AHDC1: variants seen among roughly 807,000 people sequenced by gnomAD.
AHDC1 encodes AT-hook DNA binding motif containing 1.
Under a neutral mutation model 87.9 loss-of-function variants are expected in AHDC1, and 7 were observed. That is an observed-to-expected ratio of 0.08 (90% CI 0.05 to 0.15). The LOEUF is 0.15. Among genes scored for constraint, AHDC1 ranks in the 10% least tolerant of loss-of-function variants. The probability of loss-of-function intolerance (pLI) is 1.00; values close to 1 mark genes in which losing one functional copy is unlikely to be tolerated. For synonymous variants in AHDC1, 1,051 were observed against 1,006.8 expected (o/e 1.04, Z -0.83); for missense variants, 1,841 against 2,253.2 (o/e 0.82, Z 3.70).
Position 27,551,483 on chromosome 1 carries a change from G to A in AHDC1, c.633C>T (p.Gly211=), listed in dbSNP as rs150860912. The change falls in exon 8 of 9, where the codon GGC becomes GGT. Residue 211 remains glycine, a synonymous_variant. Transcript: ENST00000673934. Reference sequence around the variant, plus strand: ...CCGTGGCTCCGGGACTATGGCCTTGGCCAGGCTGGGGACTGTCCCTAGGCT... The same window carrying A: ...CCGTGGCTCCGGGACTATGGCCTTGACCAGGCTGGGGACTGTCCCTAGGCT... The part of the protein sequence containing the change: ...EPEPRDSPQP[G]QGHSPGATAA... 1.1e-4 allele frequency: 177 copies of A among 1,608,272 alleles called. No individual in the cohort carries two copies. Among genetic ancestry groups the A allele is most frequent in the Non-Finnish European group, 1.4e-4 (161 of 1,177,946 alleles).
At position 27,598,072 on chromosome 1, in the gene AHDC1, G is replaced by A. The variant is rs1364468654; in HGVS notation, c.-629+5325C>T. On this transcript the variant is annotated intron_variant, in intron 3 of 8. Transcript: ENST00000673934. This position sits in a 1 kb window ranked among gnomAD's most constrained non-coding sequence, Gnocchi z 4.2. ...TTAGTCCTTCCAAGGGTGCCCACTC[G>A]CTCCCCAAGGCACCCTCCCCCAGGT... is the stretch of plus-strand genomic sequence containing the variant. Among the ~76,000 whole-genome samples, 1 of 152,130 alleles carries A rather than the reference G, an allele frequency of 6.6e-6. No homozygotes were observed. The highest frequency in any genetic ancestry group is 2.4e-5 in the African/African-American group (1 of 41,422).
chr1:27,594,816 A>G (rs1260230802), intron 3 of AHDC1, among the ~76,000 whole-genome samples: 2 of 152,116 alleles, frequency 1.3e-5, no homozygotes, highest in Non-Finnish European at 2.9e-5. Context: ...CAGAAGGATT[A>G]GGCGGGGTAT....
At chr1:27,557,169 C>T (rs900637016) in intron 5 of AHDC1, among the ~76,000 whole-genome samples, 1 of 151,246 alleles carries the variant, frequency 6.6e-6, no homozygotes, top group African/African-American at 2.4e-5. Flanking sequence ...GTGGGCGCCA[C>T]CGCCAGCTCT....
In AHDC1 at chr1:27,590,598, C is replaced by T. The variant is rs576798723; in HGVS notation, c.-629+12799G>A. 1.3e-5 allele frequency among the ~76,000 whole-genome samples: 2 copies of T among 151,974 alleles called. No individual in the cohort carries two copies. Among genetic ancestry groups the T allele is most frequent in the South Asian group, 4.2e-4 (2 of 4,816 alleles). On this transcript the variant is annotated intron_variant, in intron 3 of 8. Transcript: ENST00000673934. The surrounding 1 kb of genome is among the most constrained non-coding windows in gnomAD (Gnocchi z 5.4). ...CTCTCAGACTTGGGGGGTCTGAGGA[C>T]AAGGCTGTGTGTCCTGCATCTGTTA...
chr1:27,588,343 G>T (rs1433465872), intron 3 of AHDC1, among the ~76,000 whole-genome samples: 1 of 152,226 alleles, frequency 6.6e-6, no homozygotes, highest in African/African-American at 2.4e-5. Context: ...GCCTGTGAGG[G>T]AAGGGCTCAT....
intron 3 of AHDC1, among the ~76,000 whole-genome samples, chr1:27,582,464 C>A (rs562647359): frequency 1.3e-5 from 2 of 152,352 alleles, no homozygotes; most frequent in Non-Finnish European, 2.9e-5. Flanking sequence ...CTGCAGTAAC[C>A]CTGTAATGTG....
chr1:27,590,004 GT>G lies in AHDC1; in HGVS notation c.-629+13392del, dbSNP rs2089179201. Among the ~76,000 whole-genome samples the G allele has an allele frequency of 6.6e-6, 1 of 152,114 alleles. No individual in the cohort carries two copies. Among genetic ancestry groups the G allele is most frequent in the Non-Finnish European group, 1.5e-5 (1 of 67,980 alleles). ...TGGGCTGGGCAGGGCTCCAGGACATGTGACTGGGCCTTAGAGGCCTGTCCTG... is the reference window on the plus strand; with the variant it reads ...TGGGCTGGGCAGGGCTCCAGGACATGGACTGGGCCTTAGAGGCCTGTCCTG... On this transcript the variant is annotated intron_variant, in intron 3 of 8. Transcript: ENST00000673934. The surrounding 1 kb of genome is among the most constrained non-coding windows in gnomAD (Gnocchi z 5.4).
rs951856513 is a variant in AHDC1 at position 27,598,858 on chromosome 1, C to T, written c.-629+4539G>A. Among the ~76,000 whole-genome samples, 2 of 152,170 alleles carry T rather than the reference C, an allele frequency of 1.3e-5. No homozygotes were observed. Among genetic ancestry groups the T allele is most frequent in the Non-Finnish European group, 2.9e-5 (2 of 68,030 alleles). The stretch of plus-strand genomic sequence containing the variant: ...ACCGTCATGACATGAACGCAGAGAC[C>T]AGCACCCTACCTTGCACTGGTGACA... On this transcript the variant is annotated intron_variant, in intron 3 of 8. Coordinates refer to ENST00000673934, the MANE Select transcript of AHDC1 (RefSeq NM_001371928.1). This position sits in a 1 kb window ranked among gnomAD's most constrained non-coding sequence, Gnocchi z 4.2.
At chr1:27,577,724 G>T (rs2088796556) in intron 3 of AHDC1, among the ~76,000 whole-genome samples, 1 of 152,182 alleles carries the variant, frequency 6.6e-6, no homozygotes, top group African/African-American at 2.4e-5. Context: ...TGGCTCGGAG[G>T]GGTGGAGCTC....
intron 3 of AHDC1, among the ~76,000 whole-genome samples, chr1:27,591,356 G>C (rs180824021): frequency 1.3e-5 from 2 of 152,328 alleles, no homozygotes; most frequent in Middle Eastern, 3.4e-3. Context: ...GGGATCCCAC[G>C]GGGCCCTGCA....
intron 1 of AHDC1, 59 bp from the exon 2 acceptor site, chr1:27,603,922 T>G (rs2089613546): frequency 6.6e-6 from 1 of 152,146 alleles, no homozygotes; most frequent in Non-Finnish European, 1.5e-5. Flanking sequence ...TGGTGGTAGC[T>G]GGATTCCCTC....
At chr1:27,600,802 T>G (rs2089509743) in intron 3 of AHDC1, among the ~76,000 whole-genome samples, 3 of 152,132 alleles carry the variant, frequency 2.0e-5, no homozygotes, top group African/African-American at 4.8e-5. Context: ...ACACCTCCAC[T>G]TAGCTCAGCA....
chr1:27,592,932 G>A (rs1344158299), intron 3 of AHDC1, among the ~76,000 whole-genome samples: 2 of 152,202 alleles, frequency 1.3e-5, no homozygotes, highest in African/African-American at 2.4e-5. Flanking sequence ...GGAGGCGCAG[G>A]CTGGACGGGA....
chr1:27,579,573 T>C (rs2088853269), intron 3 of AHDC1, among the ~76,000 whole-genome samples: 1 of 151,610 alleles, frequency 6.6e-6, no homozygotes, highest in African/African-American at 2.4e-5. Flanking sequence ...GCCTGACATG[T>C]CAACATTGTT....
intron 3 of AHDC1, among the ~76,000 whole-genome samples, chr1:27,559,770 C>T (rs1304928437): frequency 6.6e-6 from 1 of 152,152 alleles, no homozygotes; most frequent in African/African-American, 2.4e-5. Flanking sequence ...CCCTCCTCAC[C>T]ACCCCCCTGC....
chr1:27,581,190 C>T (rs1055651764), intron 3 of AHDC1, among the ~76,000 whole-genome samples: 8 of 152,010 alleles, frequency 5.3e-5, no homozygotes, highest in South Asian at 2.1e-4. Context: ...AGTGTAGTGG[C>T]GTGATCATAG....
rs934973635 is a variant in AHDC1, at chr1:27,590,308, A to G, written c.-629+13089T>C. ...TGGGGAGCTGGGCGGGGAGGCCCAC[A>G]ACTCCAACCTACTGTTTGCCTGGGC... On this transcript the variant is annotated intron_variant, in intron 3 of 8. Coordinates refer to ENST00000673934, the MANE Select transcript of AHDC1 (RefSeq NM_001371928.1). The surrounding 1 kb of genome is among the most constrained non-coding windows in gnomAD (Gnocchi z 5.4). Among the ~76,000 whole-genome samples, 17 of 152,076 alleles carry G rather than the reference A, an allele frequency of 1.1e-4. No individual in the cohort carries two copies. Among genetic ancestry groups the G allele is most frequent in the African/African-American group, 3.9e-4 (16 of 41,404 alleles).
chr1:27,597,553 C>A (rs12057378), intron 3 of AHDC1, among the ~76,000 whole-genome samples: 1 of 152,102 alleles, frequency 6.6e-6, no homozygotes, highest in African/African-American at 2.4e-5. Flanking sequence ...AACCCCCTCC[C>A]CCTATGAAAA....
chr1:27,599,614 G>C (rs374957751), intron 3 of AHDC1, among the ~76,000 whole-genome samples: 29 of 152,268 alleles, frequency 1.9e-4, no homozygotes, highest in Admixed American at 1.4e-3. Context: ...GCTTTCTCTC[G>C]TCAAACAAGT....
Sources: gnomAD v4.1 joint callset for allele counts (sites outside exome capture counted in the v4.1 genomes callset) on GRCh38, gnomAD v4.1.1 for gene constraint, Gnocchi (gnomAD v3.1) non-coding constraint, MANE v1.5 for transcripts, NCBI Gene and HGNC (gene_info 2026-07-23, HGNC 2026-07-21) for gene names.